Variants in COL4A3 observed in about 807,000 individuals in gnomAD.
COL4A3 encodes collagen type IV alpha 3 chain.
COL4A3 carries 135 observed loss-of-function variants against 217.4 expected under a neutral mutation model. The observed-to-expected ratio is 0.62, with a 90% confidence interval of 0.54 to 0.72. The LOEUF (loss-of-function observed/expected upper bound fraction) is 0.72, where lower values mean the gene tolerates loss of function less well. COL4A3 is among the 30% of genes least tolerant of loss of function. The pLI is 0.00. For missense variants in COL4A3, 1,868 were observed against 2,119.9 expected (o/e 0.88, Z 2.33); for synonymous variants, 690 against 736.3 (o/e 0.94, Z 1.02).
chr2:227,306,157 G>A (rs554617301), intron 47 of COL4A3, among the ~76,000 whole-genome samples: 1 of 152,172 alleles, frequency 6.6e-6, no homozygotes, highest in Non-Finnish European at 1.5e-5. Context: ...AATGACCAAG[G>A]CTTTAATGCC....
intron 43 of COL4A3, among the ~76,000 whole-genome samples, chr2:227,300,940 GGTGT>G (rs143080812): frequency 0.03 from 4,522 of 152,180 alleles, 107 homozygotes; most frequent in Non-Finnish European, 0.045. Flanking sequence ...AATGACAATG[GGTGT>G]GTGTGAGTGA....
intron 1 of COL4A3, among the ~76,000 whole-genome samples, chr2:227,204,824 G>C (rs1435016003): frequency 6.6e-6 from 1 of 152,186 alleles, no homozygotes; most frequent in African/African-American, 2.4e-5. Context: ...GTAATGTCAA[G>C]TGTGTTTGTG....
intron 19 of COL4A3, 32 bp from the exon 20 acceptor site, chr2:227,261,050 C>CT (rs747364990): frequency 1.3e-6 from 2 of 1,587,204 alleles, no homozygotes; most frequent in South Asian, 2.2e-5. Context: ...TTATATCTTT[C>CT]TAAGCAATTA....
intron 5 of COL4A3, among the ~76,000 whole-genome samples, chr2:227,245,480 G>C (rs1043305638): frequency 2.0e-5 from 3 of 152,090 alleles, no homozygotes; most frequent in African/African-American, 7.2e-5. Flanking sequence ...TAAGAGACTT[G>C]AGTATCTATG....
intron 1 of COL4A3, among the ~76,000 whole-genome samples, chr2:227,229,767 G>A (rs1224480148): frequency 3.9e-5 from 6 of 152,206 alleles, no homozygotes; most frequent in African/African-American, 7.2e-5. Context: ...GAAATTTCCC[G>A]GCCGGGCGCG....
intron 1 of COL4A3, among the ~76,000 whole-genome samples, chr2:227,207,747 G>A (rs1351919564): frequency 6.6e-6 from 1 of 152,212 alleles, no homozygotes; most frequent in Non-Finnish European, 1.5e-5. Context: ...GAGTTTCACA[G>A]CAGGCATACT....
chr2:227,260,029 C>T (rs1318446733), intron 19 of COL4A3, 152 bp downstream of exon 19: 1 of 762,762 alleles, frequency 1.3e-6, no homozygotes, highest in South Asian at 1.4e-5. Flanking sequence ...TTTGATGTCT[C>T]CTGCTCTTCA....
intron 42 of COL4A3, 122 bp from the exon 43 acceptor site, chr2:227,298,560 G>T: frequency 7.2e-7 from 1 of 1,393,214 alleles, no homozygotes; most frequent in East Asian, 2.4e-5. Context: ...CATGCTCCAG[G>T]GGAAAGAATG....
At chr2:227,306,068 A>T (rs1007168958) in intron 47 of COL4A3, among the ~76,000 whole-genome samples, 15 of 152,254 alleles carry the variant, frequency 9.9e-5, no homozygotes, top group African/African-American at 3.4e-4. Context: ...AGTGCTATTA[A>T]TCATTCAACT....
intron 17 of COL4A3, chr2:227,256,640 A>C (rs1346677381): frequency 2.9e-5 from 20 of 684,306 alleles, no homozygotes; most frequent in East Asian, 5.5e-5. Context: ...AGGACCAGTG[A>C]GAGTGCAGCT....
intron 1 of COL4A3, among the ~76,000 whole-genome samples, chr2:227,213,914 A>AAAAAAAGAAAAAG (rs2067425351): frequency 2.7e-5 from 4 of 146,270 alleles, no homozygotes; most frequent in African/African-American, 1.1e-4. Context: ...AAAAAAAAAA[A>AAAAAAAGAAAAAG]AAAAAGAAAA....
intron 31 of COL4A3, chr2:227,281,877 T>C (rs2071985208): frequency 6.6e-6 from 1 of 152,330 alleles, no homozygotes; most frequent in Admixed American, 6.5e-5. Context: ...GCTCAGAAAT[T>C]TTACAGAGGG....
chr2:227,298,382 G>A (rs765449336), intron 42 of COL4A3, among the ~76,000 whole-genome samples: 2 of 152,108 alleles, frequency 1.3e-5, no homozygotes, highest in African/African-American at 2.4e-5. Flanking sequence ...AGACAGTGAT[G>A]CATTCATTCA....
At chr2:227,261,380 A>G (rs2070554724) in intron 20 of COL4A3, among the ~76,000 whole-genome samples, 1 of 152,202 alleles carries the variant, frequency 6.6e-6, no homozygotes, top group Non-Finnish European at 1.5e-5. Flanking sequence ...CAAAAAAATT[A>G]GCTGGGCGTG....
intron 1 of COL4A3, among the ~76,000 whole-genome samples, chr2:227,189,602 A>T (rs964201063): frequency 6.6e-6 from 1 of 152,198 alleles, no homozygotes; most frequent in African/African-American, 2.4e-5. Flanking sequence ...TCACTATATT[A>T]GTATGCATTT....
chr2:227,286,488 C>G (rs982377484), intron 34 of COL4A3, among the ~76,000 whole-genome samples: 1 of 152,154 alleles, frequency 6.6e-6, no homozygotes, highest in African/African-American at 2.4e-5. Flanking sequence ...GAGTGAGGCT[C>G]TGTCTCAAAA....
At chr2:227,210,920 G>T (rs2067294359) in intron 1 of COL4A3, among the ~76,000 whole-genome samples, 1 of 152,132 alleles carries the variant, frequency 6.6e-6, no homozygotes, top group Non-Finnish European at 1.5e-5. Context: ...TGCATTTGTT[G>T]TGACTTACTT....
intron 33 of COL4A3, 70 bp downstream of exon 33, chr2:227,283,926 A>G: frequency 1.4e-6 from 2 of 1,396,870 alleles, no homozygotes; most frequent in Non-Finnish European, 2.0e-6. Context: ...CAGCAAAAAA[A>G]GTTATGTTTC....
intron 43 of COL4A3, among the ~76,000 whole-genome samples, chr2:227,299,859 T>A (rs1291721271): frequency 6.6e-6 from 1 of 152,202 alleles, no homozygotes. Context: ...AGTGACGGAA[T>A]CTTCAAAAAG....
Sources: gnomAD v4.1 joint callset for allele counts (sites outside exome capture counted in the v4.1 genomes callset) on GRCh38, gnomAD v4.1.1 for gene constraint, MANE v1.5 for transcripts, NCBI Gene and HGNC (gene_info 2026-07-23, HGNC 2026-07-21) for gene names.